ARHGAP25: variants seen among roughly 807,000 people sequenced by gnomAD.
ARHGAP25 encodes rho GTPase-activating protein 25.
A neutral mutation model predicts 71.0 loss-of-function variants in ARHGAP25; 34 were observed. The observed-to-expected ratio is 0.48, with a 90% CI of 0.36 to 0.64. ARHGAP25 has a LOEUF of 0.64. ARHGAP25 is among the 30% of genes least tolerant of loss of function. The probability of loss-of-function intolerance (pLI) is 0.00; values close to 1 mark genes in which losing one functional copy is unlikely to be tolerated. For synonymous variants in ARHGAP25, 282 were observed against 296.5 expected (o/e 0.95, Z 0.50); for missense variants, 706 against 805.1 (o/e 0.88, Z 1.49).
intron 4 of ARHGAP25, among the ~76,000 whole-genome samples, chr2:68,795,155 C>CT (rs1429876515): frequency 2.0e-5 from 3 of 151,828 alleles, no homozygotes; most frequent in African/African-American, 4.8e-5. Flanking sequence ...GTTTGGATCT[C>CT]TTTTTTTCTT....
chr2:68,788,761 A>G (rs1447671350), intron 4 of ARHGAP25, among the ~76,000 whole-genome samples: 2 of 152,238 alleles, frequency 1.3e-5, no homozygotes, highest in African/African-American at 2.4e-5. Flanking sequence ...TGTCAACTCC[A>G]GATAACCTTA....
intron 1 of ARHGAP25, among the ~76,000 whole-genome samples, chr2:68,753,078 T>TGGG (rs70954323): frequency 2.0e-5 from 3 of 146,918 alleles, no homozygotes; most frequent in African/African-American, 7.3e-5. Flanking sequence ...TTGGGGTGGA[T>TGGG]GGGGGGGGTG....
intron 10 of ARHGAP25, among the ~76,000 whole-genome samples, chr2:68,823,544 C>T (rs1389779853): frequency 6.6e-6 from 1 of 151,664 alleles, no homozygotes; most frequent in East Asian, 1.9e-4. Flanking sequence ...CAGTGCCGAG[C>T]CATGAGAAAA....
At chr2:68,783,340 C>G (rs1165401487) in intron 3 of ARHGAP25, among the ~76,000 whole-genome samples, 2 of 151,974 alleles carry the variant, frequency 1.3e-5, no homozygotes, top group African/African-American at 4.8e-5. Context: ...TGGGAATAAT[C>G]TAGAGATAAT....
chr2:68,808,820 T>C (rs1680566486), intron 5 of ARHGAP25, among the ~76,000 whole-genome samples: 1 of 152,242 alleles, frequency 6.6e-6, no homozygotes, highest in Non-Finnish European at 1.5e-5. Flanking sequence ...ATTGCTGGGA[T>C]ATGCCAAATA....
chr2:68,723,192 C>T lies in ARHGAP25; in HGVS notation c.-18+12494C>T, dbSNP rs190156177. Among the ~76,000 whole-genome samples the T allele has an allele frequency of 4.6e-5, 7 of 152,264 alleles. No homozygotes were observed. In the East Asian group the frequency reaches 1.3e-3, roughly 29 times the overall value. On this transcript the variant is annotated intron_variant and NMD_transcript_variant, in intron 2 of 7. Coordinates refer to the ARHGAP25 transcript ENST00000463483. Reference sequence around the variant, plus strand: ...CTTGCTGTGGGATTGTCAGGGAATCCAGCACATGACAAAGGGAGTTATCCA... The same window carrying T: ...CTTGCTGTGGGATTGTCAGGGAATCTAGCACATGACAAAGGGAGTTATCCA...
chr2:68,811,198 G>T (rs1680787627), intron 5 of ARHGAP25, among the ~76,000 whole-genome samples: 1 of 152,238 alleles, frequency 6.6e-6, no homozygotes, highest in African/African-American at 2.4e-5. Context: ...AAGGAGGGGA[G>T]AGGCTTACAA....
At position 68,767,024 on chromosome 2, in the gene ARHGAP25, C is replaced by T. The variant is rs550268673; in HGVS notation, c.62-8197C>T. Among the ~76,000 whole-genome samples, 161 of 152,200 alleles carry T rather than the reference C, an allele frequency of 1.1e-3. No homozygotes were observed. The highest frequency in any genetic ancestry group is 3.6e-3 in the African/African-American group (150 of 41,514). On this transcript the variant is annotated intron_variant, in intron 1 of 10. Transcript: ENST00000409202. The surrounding 1 kb of genome is among the most constrained non-coding windows in gnomAD (Gnocchi z 4.6). ...TGGGAAAATGAAATCTGCCCAATTCCGGAGTATTGAGGCAGGCATTTAGGG... is the reference window on the plus strand; with the variant it reads ...TGGGAAAATGAAATCTGCCCAATTCTGGAGTATTGAGGCAGGCATTTAGGG...
intron 2 of ARHGAP25, among the ~76,000 whole-genome samples, chr2:68,726,750 T>C (rs1228533666): frequency 2.0e-5 from 3 of 152,190 alleles, no homozygotes. Context: ...TCCAACTGAC[T>C]GCTCAGGGCT....
chr2:68,798,881 A>C (rs1573567734), intron 4 of ARHGAP25, among the ~76,000 whole-genome samples: 1 of 152,180 alleles, frequency 6.6e-6, no homozygotes, highest in African/African-American at 2.4e-5. Flanking sequence ...TTTGTTAAGG[A>C]TGTTGGTCTT....
chr2:68,792,785 A>G (rs1269283981), intron 4 of ARHGAP25, among the ~76,000 whole-genome samples: 2 of 152,178 alleles, frequency 1.3e-5, no homozygotes, highest in Non-Finnish European at 2.9e-5. Context: ...CTTTTGGTGT[A>G]TACCCAGTAG....
In ARHGAP25 at chr2:68,790,988, G is replaced by C. The variant is rs951836749; in HGVS notation, c.466+3032G>C. Among the ~76,000 whole-genome samples the C allele has an allele frequency of 1.9e-4, 29 of 152,256 alleles. 1 individual carries two copies. Among genetic ancestry groups the C allele is most frequent in the Admixed American group, 1.6e-3 (24 of 15,302 alleles). On this transcript the variant is annotated intron_variant, in intron 4 of 10. Transcript: ENST00000409202. Reference sequence around the variant, plus strand: ...CAGCCTCCTCAAACATCCTACCCGTGTTCCTGCCTCCAGGCCCTTGCACTT... The same window carrying C: ...CAGCCTCCTCAAACATCCTACCCGTCTTCCTGCCTCCAGGCCCTTGCACTT...
chr2:68,755,365 A>G (rs1676413311), intron 1 of ARHGAP25, among the ~76,000 whole-genome samples: 1 of 152,172 alleles, frequency 6.6e-6, no homozygotes, highest in Admixed American at 6.5e-5. Context: ...TATCACTCAG[A>G]GAAAAGTGCT....
intron 4 of ARHGAP25, among the ~76,000 whole-genome samples, chr2:68,789,043 T>A (rs1050080675): frequency 6.6e-6 from 1 of 152,056 alleles, no homozygotes; most frequent in East Asian, 1.9e-4. Context: ...TTTCTTTTTT[T>A]TTTTTCCGAG....
At chr2:68,811,873 G>C (rs1218531746) in intron 5 of ARHGAP25, among the ~76,000 whole-genome samples, 1 of 152,144 alleles carries the variant, frequency 6.6e-6, no homozygotes, top group Non-Finnish European at 1.5e-5. Flanking sequence ...AAATCAAGGA[G>C]ATTCCAAGGT....
Position 68,826,196 on chromosome 2 carries a change from G to A in ARHGAP25, c.*2G>A, listed in dbSNP as rs1377228993. ...AAGGAACCCAAGACCGAGGCTTAAG[G>A]GTCCCAGGAGTACTGCAGGGACAGC... On this transcript the variant is annotated 3_prime_UTR_variant, in exon 11 of 11. Transcript: ENST00000409202. 6.2e-7 allele frequency: 1 copy of A among 1,613,930 alleles called. No individual in the cohort carries two copies. Among genetic ancestry groups the A allele is most frequent in the African/African-American group, 1.3e-5 (1 of 74,914 alleles).
Position 68,818,022 on chromosome 2 carries a change from G to A in ARHGAP25, c.1003+28G>A, listed in dbSNP as rs771705735. ...ATGGCTGGTCCCGTAGTGAAAGCAG[G>A]TACCCAGGAAATAACAATTACAACA... On this transcript the variant is annotated intron_variant, in intron 8 of 10. Transcript: ENST00000409202. The A allele has an allele frequency of 5.6e-6, 9 of 1,613,238 alleles. No homozygotes were observed. In the South Asian group the frequency reaches 6.6e-5, roughly 12 times the overall value.
chr2:68,801,427 G>T (rs1034194760), intron 4 of ARHGAP25, among the ~76,000 whole-genome samples: 2 of 152,194 alleles, frequency 1.3e-5, no homozygotes, highest in African/African-American at 4.8e-5. Context: ...TGTGCCAAAA[G>T]CCACATGAGA....
upstream of ARHGAP25, among the ~76,000 whole-genome samples, chr2:68,731,347 T>G (rs192836458): frequency 9.9e-5 from 15 of 152,246 alleles, no homozygotes; most frequent in Admixed American, 2.0e-4. Flanking sequence ...GCTGTAATAA[T>G]TCTCCTGGGG....
Sources: gnomAD v4.1 joint callset for allele counts (sites outside exome capture counted in the v4.1 genomes callset) on GRCh38, gnomAD v4.1.1 for gene constraint, Gnocchi (gnomAD v3.1) non-coding constraint, MANE v1.5 for transcripts, NCBI Gene and HGNC (gene_info 2026-07-23, HGNC 2026-07-21) for gene names.